The following ZFYVE1 variants were observed in gnomAD, a reference collection of about 807,000 sequenced individuals.
ZFYVE1 encodes zinc finger FYVE domain-containing protein 1.
ZFYVE1 carries 30 observed loss-of-function variants against 74.4 expected under a neutral mutation model. The observed-to-expected ratio is 0.40, with a 90% CI of 0.30 to 0.55. The LOEUF (loss-of-function observed/expected upper bound fraction) is 0.55. ZFYVE1 is among the 20% of genes least tolerant of loss of function. The pLI is 0.42. For synonymous variants in ZFYVE1, 335 were observed against 385.1 expected (o/e 0.87, Z 1.52); for missense variants, 703 against 1,011.6 (o/e 0.69, Z 4.14).
intron 3 of ZFYVE1, 33 bp downstream of exon 3, chr14:72,997,778 G>A (rs1324916425): frequency 6.5e-7 from 1 of 1,547,528 alleles, no homozygotes; most frequent in Admixed American, 1.9e-5. Context: ...TACCCATAAA[G>A]GTTGAGCTGT....
chr14:73,019,716 G>A (rs999792977), intron 2 of ZFYVE1, among the ~76,000 whole-genome samples: 7 of 152,154 alleles, frequency 4.6e-5, no homozygotes, highest in African/African-American at 9.7e-5. Context: ...CACTTTGGGA[G>A]GCCAAGGCAG....
At chr14:73,025,359 G>A (rs975985916) in intron 1 of ZFYVE1, among the ~76,000 whole-genome samples, 4 of 151,556 alleles carry the variant, frequency 2.6e-5, no homozygotes, top group Non-Finnish European at 4.4e-5. Context: ...GTGAGTCACC[G>A]CACCTGGCCA....
rs763126551 is a variant in ZFYVE1, at chr14:72,978,190, T to C, written c.1464A>G (p.Thr488=). ...RGEEVSVVPK[T]SASTDSPWMG... Reference sequence around the variant, plus strand: ...TCCAGGGGGAGTCAGTGGAAGCAGATGTTTTGGGCACTACACTGACTTCCT... The same window carrying C: ...TCCAGGGGGAGTCAGTGGAAGCAGACGTTTTGGGCACTACACTGACTTCCT... The change falls in exon 7 of 12, where the codon ACA becomes ACG. Residue 488 remains threonine, a synonymous_variant. Transcript: ENST00000556143. 4.3e-5 allele frequency: 69 copies of C among 1,614,042 alleles called. No homozygotes were observed. Among genetic ancestry groups the C allele is most frequent in the Non-Finnish European group, 5.7e-5 (67 of 1,180,044 alleles).
At chr14:72,988,881 T>C (rs1289640524) in intron 4 of ZFYVE1, among the ~76,000 whole-genome samples, 1 of 149,838 alleles carries the variant, frequency 6.7e-6, no homozygotes, top group African/African-American at 2.4e-5. Flanking sequence ...TTATGAAGGA[T>C]ATATATACAT....
At chr14:72,996,345 T>A (rs1373708423) in intron 3 of ZFYVE1, among the ~76,000 whole-genome samples, 1 of 152,044 alleles carries the variant, frequency 6.6e-6, no homozygotes, top group Non-Finnish European at 1.5e-5. Flanking sequence ...TTGAAGGGAG[T>A]TAGAATGGAA....
intron 2 of ZFYVE1, among the ~76,000 whole-genome samples, chr14:72,998,723 C>T (rs1893805841): frequency 1.3e-5 from 2 of 151,882 alleles, no homozygotes; most frequent in African/African-American, 2.4e-5. Context: ...TGGTGGTTCA[C>T]GCATGTAACA....
chr14:73,003,054 C>CTTTTTTTT (rs201185010), intron 2 of ZFYVE1, among the ~76,000 whole-genome samples: 48 of 102,950 alleles, frequency 4.7e-4, no homozygotes, highest in Non-Finnish European at 6.6e-4. Context: ...TTTTTCTTTT[C>CTTTTTTTT]TTTTTTTTTT....
chr14:72,990,778 G>A (rs1418687541), intron 4 of ZFYVE1, among the ~76,000 whole-genome samples: 1 of 131,412 alleles, frequency 7.6e-6, no homozygotes, highest in African/African-American at 2.8e-5. Context: ...TCGGCCCACT[G>A]CAACCTCCAC....
At chr14:72,996,089 G>A (rs949216413) in intron 3 of ZFYVE1, among the ~76,000 whole-genome samples, 15 of 152,090 alleles carry the variant, frequency 9.9e-5, no homozygotes, top group African/African-American at 3.1e-4. Context: ...CACAAGCCAT[G>A]CTTCAAACAT....
chr14:73,015,513 T>C (rs1894184152), intron 2 of ZFYVE1, among the ~76,000 whole-genome samples: 1 of 151,934 alleles, frequency 6.6e-6, no homozygotes, highest in Non-Finnish European at 1.5e-5. Flanking sequence ...TGCCTCAGCC[T>C]CCTGAGTAGC....
intron 8 of ZFYVE1, 69 bp downstream of exon 8, chr14:72,977,858 G>C: frequency 1.3e-6 from 2 of 1,511,340 alleles, no homozygotes; most frequent in Non-Finnish European, 1.8e-6. Context: ...GCAGGTTCCA[G>C]TTTTCTATAC....
intron 2 of ZFYVE1, among the ~76,000 whole-genome samples, chr14:73,020,406 G>A (rs1164221299): frequency 1.3e-5 from 2 of 152,160 alleles, no homozygotes; most frequent in African/African-American, 4.8e-5. Context: ...AGGCTGGAGT[G>A]CAATGGTGTG....
chr14:73,012,518 A>G (rs1206138053), intron 2 of ZFYVE1, among the ~76,000 whole-genome samples: 1 of 152,136 alleles, frequency 6.6e-6, no homozygotes, highest in African/African-American at 2.4e-5. Flanking sequence ...GCTACTTGGG[A>G]GGCTGAGACA....
chr14:72,986,803 T>G, intron 4 of ZFYVE1: 2 of 874,512 alleles, frequency 2.3e-6, no homozygotes, highest in Non-Finnish European at 2.7e-6. Flanking sequence ...ATGTTGGGAT[T>G]ACAGGCGTGA....
At chr14:72,981,939 G>A (rs1453569243) in intron 4 of ZFYVE1, 44 bp from the exon 5 acceptor site, 2 of 1,508,262 alleles carry the variant, frequency 1.3e-6, no homozygotes, top group South Asian at 1.1e-5. Flanking sequence ...TCAGTAGAGA[G>A]CTCCGCACTT....
intron 4 of ZFYVE1, among the ~76,000 whole-genome samples, chr14:72,991,659 TC>T (rs1177325199): frequency 6.6e-6 from 1 of 152,168 alleles, no homozygotes; most frequent in Non-Finnish European, 1.5e-5. Flanking sequence ...AGCGTCATCT[TC>T]CGTTTTCACT....
At chr14:73,009,201 T>C (rs1567360569) in intron 2 of ZFYVE1, among the ~76,000 whole-genome samples, 1 of 152,226 alleles carries the variant, frequency 6.6e-6, no homozygotes, top group Non-Finnish European at 1.5e-5. Context: ...CCTCACTCTA[T>C]CATCCACTGA....
intron 11 of ZFYVE1, among the ~76,000 whole-genome samples, chr14:72,973,444 G>A (rs554557026): frequency 2.6e-5 from 4 of 152,002 alleles, no homozygotes; most frequent in Admixed American, 6.6e-5. Flanking sequence ...AGCCAAGATC[G>A]CACCACTGTA....
intron 2 of ZFYVE1, among the ~76,000 whole-genome samples, chr14:73,012,020 A>T (rs1894101849): frequency 6.6e-6 from 1 of 151,770 alleles, no homozygotes. Flanking sequence ...CTTTGAGACC[A>T]GCCTGGGCAA....
Sources: gnomAD v4.1 joint callset for allele counts (sites outside exome capture counted in the v4.1 genomes callset) on GRCh38, gnomAD v4.1.1 for gene constraint, MANE v1.5 for transcripts, NCBI Gene and HGNC (gene_info 2026-07-23, HGNC 2026-07-21) for gene names.